Variants in SORCS2 observed in about 807,000 individuals in gnomAD.
The protein encoded by SORCS2 is sortilin related VPS10 domain containing receptor 2.
A neutral mutation model predicts 141.6 loss-of-function variants in SORCS2; 100 were observed. The observed-to-expected ratio is 0.71, with a 90% CI of 0.60 to 0.83. SORCS2 has a LOEUF of 0.83. Ranked by LOEUF, SORCS2 falls within the 40% of genes least tolerant of loss-of-function variation. The pLI is 0.00. For synonymous variants in SORCS2, 789 were observed against 676.9 expected, an observed-to-expected ratio of 1.17 and a Z score of -2.57; for missense variants, 1,646 against 1,560.2, an observed-to-expected ratio of 1.05 and a Z score of -0.93.
At chr4:7,432,384 C>A (rs907293945) in intron 2 of SORCS2, 1 of 152,142 alleles carries the variant, frequency 6.6e-6, no homozygotes, top group Admixed American at 6.5e-5. Flanking sequence ...GGGAAAGGGG[C>A]TCCAGAACGT....
At chr4:7,198,850 T>C (rs1727323720) in intron 1 of SORCS2, among the ~76,000 whole-genome samples, 1 of 152,022 alleles carries the variant, frequency 6.6e-6, no homozygotes, top group Non-Finnish European at 1.5e-5. Context: ...GGGCTGAGTC[T>C]AGGGAAGTCT....
chr4:7,418,702 AC>A (rs67571622), intron 2 of SORCS2, among the ~76,000 whole-genome samples: 5,198 of 95,546 alleles, frequency 0.054, 344 homozygotes, highest in African/African-American at 0.19. Context: ...GTAACAAATG[AC>A]CCCCCCCCCC....
intron 2 of SORCS2, among the ~76,000 whole-genome samples, chr4:7,413,905 A>G (rs1434871492): frequency 6.6e-5 from 10 of 151,922 alleles, no homozygotes; most frequent in South Asian, 6.2e-4. Flanking sequence ...CCTCCTGCCT[A>G]TCGGATTGCA....
rs769514713 is a variant in SORCS2, at chr4:7,535,886, C to T, written c.648+4257C>T. Among the ~76,000 whole-genome samples the T allele has an allele frequency of 7.9e-5, 12 of 152,370 alleles. No homozygotes were observed. In the South Asian group the frequency reaches 1.0e-3, roughly 13 times the overall value. ...CCTCAGGCCCGGGTCAGGCTGCTTG[C>T]TCGTGGCATGTCCCGCCCACACCTC... On this transcript the variant is annotated intron_variant, in intron 3 of 26. Transcript: ENST00000507866.
chr4:7,546,643 C>G (rs1021062698), intron 3 of SORCS2, among the ~76,000 whole-genome samples: 5 of 152,182 alleles, frequency 3.3e-5, no homozygotes, highest in Admixed American at 2.0e-4. Flanking sequence ...GTCAGAGGTG[C>G]AGCCGGTGAT....
chr4:7,517,066 G>A (rs767669042), intron 2 of SORCS2, among the ~76,000 whole-genome samples: 6 of 152,206 alleles, frequency 3.9e-5, no homozygotes, highest in Non-Finnish European at 8.8e-5. Flanking sequence ...CGACACAGGC[G>A]TGACTGAGGG....
chr4:7,333,589 C>T (rs959130776), intron 1 of SORCS2, among the ~76,000 whole-genome samples: 1 of 152,108 alleles, frequency 6.6e-6, no homozygotes, highest in Non-Finnish European at 1.5e-5. Flanking sequence ...GCCCAGGGCC[C>T]TCGTCGTCCA....
At chr4:7,724,547 A>G (rs1390589980) in intron 19 of SORCS2, among the ~76,000 whole-genome samples, 10 of 98,536 alleles carry the variant, frequency 1.0e-4, no homozygotes, top group Admixed American at 5.2e-4. Flanking sequence ...TGGTGATAGT[A>G]GTGGTGGGAA....
At chr4:7,738,710 G>A (rs914675061) in intron 26 of SORCS2, among the ~76,000 whole-genome samples, 26 of 152,266 alleles carry the variant, frequency 1.7e-4, no homozygotes, top group African/African-American at 4.3e-4. Flanking sequence ...CGTGAGCGGC[G>A]GAAACCACTG....
intron 23 of SORCS2, among the ~76,000 whole-genome samples, chr4:7,730,083 C>T (rs1013437643): frequency 4.6e-5 from 7 of 152,162 alleles, no homozygotes; most frequent in East Asian, 1.9e-4. Flanking sequence ...GTGTGGGTTT[C>T]GGGGCCGAGC....
chr4:7,454,908 A>ATG (rs1728774765), intron 2 of SORCS2, among the ~76,000 whole-genome samples: 1 of 57,816 alleles, frequency 1.7e-5, no homozygotes, highest in African/African-American at 7.1e-5. Context: ...GGGGTCAGGC[A>ATG]CTGTGTTGGG....
chr4:7,424,801 C>T lies in SORCS2; in HGVS notation c.548+28446C>T, dbSNP rs140912286. ...TACCATGCCTTCAGCACACACAGGC[C>T]CCCACATGCCCAAGGAAGGCTGCCC... On this transcript the variant is annotated intron_variant, in intron 2 of 26. Transcript: ENST00000507866. 2.7e-3 allele frequency among the ~76,000 whole-genome samples: 409 copies of T among 152,324 alleles called. 3 individuals are homozygous for T. Among genetic ancestry groups the T allele is most frequent in the African/African-American group, 9.5e-3 (394 of 41,582 alleles).
chr4:7,602,340 A>T (rs921556394), intron 3 of SORCS2, among the ~76,000 whole-genome samples: 16 of 149,506 alleles, frequency 1.1e-4, no homozygotes, highest in Non-Finnish European at 2.1e-4. Flanking sequence ...CTGGGCGGAG[A>T]CGCTCCTCAC....
intron 2 of SORCS2, among the ~76,000 whole-genome samples, chr4:7,479,959 A>G (rs895270043): frequency 6.6e-6 from 1 of 152,208 alleles, no homozygotes; most frequent in Non-Finnish European, 1.5e-5. Context: ...GGCGCCATTT[A>G]TTCCGTGACA....
chr4:7,544,796 C>A (rs1003251922), intron 3 of SORCS2, among the ~76,000 whole-genome samples: 4 of 152,228 alleles, frequency 2.6e-5, no homozygotes, highest in African/African-American at 7.2e-5. Flanking sequence ...TCCCCAGTCT[C>A]CCCCATGGCT....
At chr4:7,528,172 T>C (rs1360358707) in intron 2 of SORCS2, among the ~76,000 whole-genome samples, 2 of 152,094 alleles carry the variant, frequency 1.3e-5, no homozygotes, top group African/African-American at 4.8e-5. Flanking sequence ...AGGTACTCAG[T>C]ATGCACACAT....
At chr4:7,206,677 C>T (rs1727759474) in intron 1 of SORCS2, among the ~76,000 whole-genome samples, 1 of 152,156 alleles carries the variant, frequency 6.6e-6, no homozygotes. Context: ...CGTGGCTGTG[C>T]AGCCAGGTCC....
At chr4:7,269,157 G>C (rs1714944944) in intron 1 of SORCS2, among the ~76,000 whole-genome samples, 1 of 152,238 alleles carries the variant, frequency 6.6e-6, no homozygotes, top group Admixed American at 6.5e-5. Context: ...CAAGAGGCCT[G>C]AGGGCCTGGA....
At chr4:7,650,023 T>C (rs1031590023) in intron 4 of SORCS2, among the ~76,000 whole-genome samples, 2 of 152,170 alleles carry the variant, frequency 1.3e-5, no homozygotes, top group Non-Finnish European at 2.9e-5. Flanking sequence ...ATGAAGAATT[T>C]GGGTTGAGTG....
Sources: allele counts gnomAD v4.1 joint callset (sites outside exome capture counted in the v4.1 genomes callset), GRCh38; gene constraint gnomAD v4.1.1; transcripts MANE v1.5; gene names NCBI Gene and HGNC (gene_info 2026-07-23, HGNC 2026-07-21).